Variants in BLTP1 observed in about 807,000 individuals in gnomAD.
The protein encoded by BLTP1 is fragile site-associated protein.
chr4:122,152,428 CG>C, the BLTP1 span: 1 of 985,362 alleles, frequency 1.0e-6, no homozygotes, highest in African/African-American at 1.7e-5. Context: ...GCGGCGGCCC[CG>C]GGCGGCGGGG....
the BLTP1 span, chr4:122,215,287 T>C: frequency 4.7e-6 from 4 of 850,138 alleles, no homozygotes; most frequent in African/African-American, 1.8e-5. Flanking sequence ...TCTTTTTTCT[T>C]TTTACTGTAA....
the BLTP1 span, chr4:122,281,401 A>G: frequency 7.4e-7 from 1 of 1,345,890 alleles, no homozygotes; most frequent in Non-Finnish European, 9.5e-7. Context: ...AAGTCTGAAT[A>G]TGATCTGATA....
chr4:122,333,598 T>G, the BLTP1 span: 24 of 1,548,982 alleles, frequency 1.5e-5, no homozygotes, highest in Non-Finnish European at 1.3e-5. Flanking sequence ...TGTCATTTTT[T>G]AAAAAGATAA....
the BLTP1 span, chr4:122,200,634 G>A: frequency 7.0e-6 from 6 of 852,554 alleles, no homozygotes; most frequent in Non-Finnish European, 8.4e-6. Context: ...ATGTTACTTT[G>A]TGTGACAGTA....
the BLTP1 span, chr4:122,315,796 A>G: frequency 1.0e-6 from 1 of 964,286 alleles, no homozygotes. Context: ...TTGTGGAGGA[A>G]GAGAAGGGAA....
the BLTP1 span, chr4:122,331,287 A>C: frequency 6.4e-7 from 1 of 1,562,818 alleles, no homozygotes; most frequent in Non-Finnish European, 8.7e-7. Flanking sequence ...AAGAACTCTC[A>C]TTTTACTACA....
the BLTP1 span, among the ~76,000 whole-genome samples, chr4:122,320,415 C>A: frequency 1.3e-5 from 2 of 151,990 alleles, no homozygotes; most frequent in South Asian, 4.2e-4. Context: ...ACTCTCAAAG[C>A]ACTAGGATTA....
the BLTP1 span, chr4:122,330,839 GGT>G: frequency 4.9e-3 from 964 of 194,934 alleles, 10 homozygotes; most frequent in East Asian, 0.044. Context: ...AACAGTTTCA[GGT>G]GTTAAGTCTT....
chr4:122,354,932 T>A, the BLTP1 span, among the ~76,000 whole-genome samples: 2 of 152,166 alleles, frequency 1.3e-5, no homozygotes, highest in African/African-American at 4.8e-5. Context: ...CCCAAAGTGC[T>A]GGGATTACAG....
the BLTP1 span, chr4:122,263,658 C>G: frequency 1.8e-6 from 2 of 1,092,980 alleles, no homozygotes; most frequent in East Asian, 2.5e-5. Flanking sequence ...ATACCAAAAT[C>G]TTATTTTTCA....
the BLTP1 span, among the ~76,000 whole-genome samples, chr4:122,323,561 G>A: frequency 6.6e-6 from 1 of 151,744 alleles, no homozygotes; most frequent in Non-Finnish European, 1.5e-5. Context: ...GGTTCCAGGA[G>A]CTATTGGCTT....
chr4:122,320,766 T>C, the BLTP1 span, among the ~76,000 whole-genome samples: 1 of 152,230 alleles, frequency 6.6e-6, no homozygotes, highest in East Asian at 1.9e-4. Flanking sequence ...GTCTGTCTTT[T>C]AAGATCATTT....
chr4:122,231,446 A>G, the BLTP1 span, among the ~76,000 whole-genome samples: 1 of 151,248 alleles, frequency 6.6e-6, no homozygotes, highest in African/African-American at 2.4e-5. Context: ...TATTCTGTGT[A>G]CATTTATTTA....
the BLTP1 span, chr4:122,347,592 A>C: frequency 3.1e-6 from 5 of 1,613,712 alleles, no homozygotes; most frequent in African/African-American, 6.7e-5. Context: ...CATCAAGAAA[A>C]GCTTACTGCA....
the BLTP1 span, chr4:122,286,474 GA>G: frequency 6.3e-7 from 1 of 1,579,868 alleles, no homozygotes; most frequent in East Asian, 2.2e-5. Context: ...ACCCTTTTTG[GA>G]AAAAGTGAGG....
the BLTP1 span, chr4:122,259,821 T>G: frequency 2.7e-6 from 1 of 364,072 alleles, no homozygotes; most frequent in Non-Finnish European, 3.8e-6. Flanking sequence ...ATCCTGCCAC[T>G]GCACTCCAGC....
At chr4:122,301,062 G>A in the BLTP1 span, 10 of 949,588 alleles carry the variant, frequency 1.1e-5, no homozygotes, top group Non-Finnish European at 1.0e-5. Flanking sequence ...ACATGTTTTG[G>A]TTCAATAATA....
At chr4:122,356,295 T>C in the BLTP1 span, among the ~76,000 whole-genome samples, 8 of 152,222 alleles carry the variant, frequency 5.3e-5, no homozygotes, top group East Asian at 1.5e-3. Context: ...AAATCCAAAA[T>C]ATTTTGAACA....
chr4:122,186,341 A>G, the BLTP1 span: 2 of 515,688 alleles, frequency 3.9e-6, no homozygotes, highest in Non-Finnish European at 6.1e-6. Flanking sequence ...ATTAACTGAA[A>G]CTTTTAGTAA....
Sources: allele counts gnomAD v4.1 joint callset (sites outside exome capture counted in the v4.1 genomes callset), GRCh38; gene constraint gnomAD v4.1.1; transcripts MANE v1.5; gene names NCBI Gene and HGNC (gene_info 2026-07-23, HGNC 2026-07-21).